NTM: variants seen among roughly 807,000 people sequenced by gnomAD.
The protein encoded by NTM is IgLON family member 2.
Under a neutral mutation model 42.1 loss-of-function variants are expected in NTM, and 13 were observed. The ratio of observed to expected loss-of-function variants is 0.31; its 90% CI spans 0.20 to 0.49. NTM has a LOEUF of 0.49. Among genes scored for constraint, NTM ranks in the 20% least tolerant of loss-of-function variants. NTM has a pLI of 0.99. For missense variants in NTM, 373 were observed against 452.8 expected, an observed-to-expected ratio of 0.82 and a Z score of 1.60; for synonymous variants, 187 against 179.2, an observed-to-expected ratio of 1.04 and a Z score of -0.35.
At chr11:132,106,171 T>C (rs1237920078) in intron 2 of NTM, among the ~76,000 whole-genome samples, 1 of 152,250 alleles carries the variant, frequency 6.6e-6, no homozygotes, top group Non-Finnish European at 1.5e-5. Context: ...CTTGAAAGCC[T>C]TCAGCTAACA....
intron 1 of NTM, among the ~76,000 whole-genome samples, chr11:131,463,147 A>G (rs538574544): frequency 6.6e-6 from 1 of 152,320 alleles, no homozygotes; most frequent in African/African-American, 2.4e-5. Context: ...GATTATAAAA[A>G]GGTTACAGGA....
intron 2 of NTM, among the ~76,000 whole-genome samples, chr11:132,051,991 G>A (rs1014372714): frequency 6.6e-6 from 1 of 152,190 alleles, no homozygotes; most frequent in Non-Finnish European, 1.5e-5. Flanking sequence ...CCAGGTCAGA[G>A]ACAGGTGGGA....
At chr11:132,162,668 AGT>A (rs199785154) in intron 3 of NTM, among the ~76,000 whole-genome samples, 7,696 of 129,812 alleles carry the variant, frequency 0.059, 481 homozygotes, top group African/African-American at 0.17. Flanking sequence ...GGCTTGTGTG[AGT>A]GTGTGTGTGT....
intron 1 of NTM, among the ~76,000 whole-genome samples, chr11:131,844,469 C>A (rs1327181174): frequency 6.6e-6 from 1 of 152,132 alleles, no homozygotes; most frequent in East Asian, 1.9e-4. Context: ...CTTTGTTCAT[C>A]GCTCTAAAAT....
At chr11:132,025,619 A>G (rs984234513) in intron 2 of NTM, among the ~76,000 whole-genome samples, 2 of 152,062 alleles carry the variant, frequency 1.3e-5, no homozygotes, top group Admixed American at 1.3e-4. Flanking sequence ...TTCTCACTCC[A>G]CTGTGACTAC....
chr11:131,847,590 T>C (rs1237839910), intron 1 of NTM, among the ~76,000 whole-genome samples: 1 of 152,092 alleles, frequency 6.6e-6, no homozygotes, highest in East Asian at 1.9e-4. Flanking sequence ...CCAGCAATAT[T>C]CTTCCCTCTT....
intron 2 of NTM, among the ~76,000 whole-genome samples, chr11:132,045,420 A>T (rs758289859): frequency 4.6e-4 from 70 of 152,272 alleles, no homozygotes; most frequent in Non-Finnish European, 5.0e-4. Flanking sequence ...AAAATTAATA[A>T]CATTTTTCCC....
intron 1 of NTM, among the ~76,000 whole-genome samples, chr11:131,510,374 A>C (rs1186966267): frequency 6.6e-6 from 1 of 152,138 alleles, no homozygotes; most frequent in Non-Finnish European, 1.5e-5. Flanking sequence ...AAGCCCAGTA[A>C]AGTACCTCTG....
intron 2 of NTM, among the ~76,000 whole-genome samples, chr11:131,981,997 G>A (rs1195466459): frequency 6.6e-6 from 1 of 151,994 alleles, no homozygotes; most frequent in Non-Finnish European, 1.5e-5. Context: ...GGGTGACAGA[G>A]CGGGACTCCA....
intron 1 of NTM, among the ~76,000 whole-genome samples, chr11:131,610,541 C>T (rs1411910139): frequency 6.6e-6 from 1 of 152,142 alleles, no homozygotes; most frequent in Non-Finnish European, 1.5e-5. Context: ...GCACCAGGAG[C>T]AAGGAGAGCT....
intron 2 of NTM, among the ~76,000 whole-genome samples, chr11:132,111,187 A>C (rs1311881248): frequency 6.7e-6 from 1 of 149,724 alleles, no homozygotes; most frequent in African/African-American, 2.4e-5. Flanking sequence ...CCTTGGTAGC[A>C]ATGCATGTGG....
At chr11:132,207,317 C>T (rs1295316107) in intron 3 of NTM, among the ~76,000 whole-genome samples, 3 of 152,136 alleles carry the variant, frequency 2.0e-5, no homozygotes. Context: ...TTATTGTGAA[C>T]TGCCCATGCG....
At chr11:132,139,828 T>C (rs913990372) in intron 2 of NTM, among the ~76,000 whole-genome samples, 3 of 152,186 alleles carry the variant, frequency 2.0e-5, no homozygotes, top group Non-Finnish European at 4.4e-5. Flanking sequence ...ATCAAATAAT[T>C]AATCAGTGGA....
intron 1 of NTM, among the ~76,000 whole-genome samples, chr11:131,438,436 G>A (rs951317508): frequency 6.6e-6 from 1 of 152,136 alleles, no homozygotes; most frequent in African/African-American, 2.4e-5. Context: ...CGTAGATTTG[G>A]TCTTTTCACA....
intron 2 of NTM, among the ~76,000 whole-genome samples, chr11:132,011,682 A>C (rs1293363589): frequency 6.6e-6 from 1 of 152,188 alleles, no homozygotes; most frequent in African/African-American, 2.4e-5. Context: ...GGTGTAAGTA[A>C]GTTGGCCTAG....
intron 1 of NTM, among the ~76,000 whole-genome samples, chr11:131,907,330 T>C (rs941973962): frequency 1.3e-5 from 2 of 152,208 alleles, no homozygotes; most frequent in Admixed American, 6.5e-5. Context: ...CCTGCTTCAG[T>C]GTACAGATGC....
chr11:131,840,362 C>T (rs2044078965), intron 1 of NTM, among the ~76,000 whole-genome samples: 1 of 152,102 alleles, frequency 6.6e-6, no homozygotes. Flanking sequence ...AGCATGTTCT[C>T]CTGGAAGCCA....
intron 2 of NTM, among the ~76,000 whole-genome samples, chr11:132,030,724 T>G (rs2075805268): frequency 6.6e-6 from 1 of 151,986 alleles, no homozygotes; most frequent in Non-Finnish European, 1.5e-5. Flanking sequence ...GAAGAAGATA[T>G]GATTCTGAGA....
At chr11:131,924,341 C>T (rs912712193) in intron 2 of NTM, among the ~76,000 whole-genome samples, 2 of 152,210 alleles carry the variant, frequency 1.3e-5, no homozygotes, top group Non-Finnish European at 2.9e-5. Context: ...TGAGCATTCC[C>T]AGGCTTCAGG....
Sources: allele counts gnomAD v4.1 joint callset (sites outside exome capture counted in the v4.1 genomes callset), GRCh38; gene constraint gnomAD v4.1.1; transcripts MANE v1.5; gene names NCBI Gene and HGNC (gene_info 2026-07-23, HGNC 2026-07-21).